The following SYT1 variants were observed in gnomAD, a reference collection of about 807,000 sequenced individuals.
The protein encoded by SYT1 is synaptotagmin-1.
Under a neutral mutation model 44.8 loss-of-function variants are expected in SYT1, and 8 were observed. That is an observed-to-expected ratio of 0.18 (90% CI 0.10 to 0.32). The LOEUF (loss-of-function observed/expected upper bound fraction) is 0.32. SYT1 is among the 10% of genes least tolerant of loss of function. The pLI is 1.00. For synonymous variants in SYT1, 154 were observed against 188.8 expected (o/e 0.82, Z 1.51); for missense variants, 286 against 509.3 (o/e 0.56, Z 4.22).
At chr12:79,039,522 C>T (rs996871117) in intron 2 of SYT1, among the ~76,000 whole-genome samples, 1 of 151,946 alleles carries the variant, frequency 6.6e-6, no homozygotes, top group Non-Finnish European at 1.5e-5. Flanking sequence ...CAGAAAAATG[C>T]TGTGCCCATC....
intron 1 of SYT1, among the ~76,000 whole-genome samples, chr12:78,876,203 G>A (rs1042207221): frequency 5.9e-5 from 9 of 151,492 alleles, no homozygotes; most frequent in Non-Finnish European, 1.2e-4. Flanking sequence ...GCATTAACCG[G>A]AAATTATTTT....
chr12:78,962,328 CTTTCT>C (rs1243153422), intron 1 of SYT1, among the ~76,000 whole-genome samples: 1 of 136,054 alleles, frequency 7.4e-6, no homozygotes. Context: ...CAATAGCATT[CTTTCT>C]TTTTTTTTTT....
intron 4 of SYT1, among the ~76,000 whole-genome samples, chr12:79,281,661 C>T (rs923157983): frequency 3.3e-5 from 5 of 152,054 alleles, no homozygotes; most frequent in Non-Finnish European, 7.4e-5. Flanking sequence ...CCTAGAGCTA[C>T]TAAAATAAAT....
intron 8 of SYT1, among the ~76,000 whole-genome samples, chr12:79,313,248 TC>T: frequency 6.6e-6 from 1 of 152,174 alleles, no homozygotes; most frequent in Non-Finnish European, 1.5e-5. Context: ...CCCAGTCCCT[TC>T]CATACCCATT....
intron 1 of SYT1, among the ~76,000 whole-genome samples, chr12:78,910,897 A>G (rs2137125993): frequency 6.6e-6 from 1 of 152,044 alleles, no homozygotes; most frequent in East Asian, 1.9e-4. Context: ...GAGAGGGCAG[A>G]CAAGAGAATG....
chr12:79,052,775 A>G (rs527643450), intron 3 of SYT1, among the ~76,000 whole-genome samples: 39 of 152,304 alleles, frequency 2.6e-4, no homozygotes, highest in East Asian at 1.4e-3. Flanking sequence ...ATCACTGGCC[A>G]TCAGAGAAAT....
At chr12:79,245,391 C>T (rs1181276376) in intron 4 of SYT1, among the ~76,000 whole-genome samples, 1 of 143,926 alleles carries the variant, frequency 6.9e-6, no homozygotes, top group East Asian at 2.0e-4. Context: ...AGGAGAATGG[C>T]GAGAACCCGG....
intron 2 of SYT1, among the ~76,000 whole-genome samples, chr12:78,991,991 T>A (rs1279255227): frequency 1.3e-5 from 2 of 152,156 alleles, no homozygotes. Context: ...CCTAGCAAGT[T>A]AAGGTCCAGG....
intron 8 of SYT1, among the ~76,000 whole-genome samples, chr12:79,307,799 C>T (rs991994479): frequency 2.6e-5 from 4 of 152,220 alleles, no homozygotes; most frequent in Admixed American, 1.3e-4. Flanking sequence ...CTCTCTAAAG[C>T]TGAACTGGCC....
At chr12:79,064,376 T>G (rs991101296) in intron 3 of SYT1, among the ~76,000 whole-genome samples, 1 of 152,174 alleles carries the variant, frequency 6.6e-6, no homozygotes, top group Non-Finnish European at 1.5e-5. Context: ...AGAAATTTAT[T>G]TTGAGAATAT....
At chr12:79,274,314 TC>T (rs1236119193) in intron 4 of SYT1, among the ~76,000 whole-genome samples, 1 of 152,094 alleles carries the variant, frequency 6.6e-6, no homozygotes, top group African/African-American at 2.4e-5. Context: ...AGTTTTGTAT[TC>T]TGAGCATGAA....
At chr12:79,298,972 A>C (rs1190315759) in intron 7 of SYT1, among the ~76,000 whole-genome samples, 2 of 152,144 alleles carry the variant, frequency 1.3e-5, no homozygotes, top group East Asian at 3.9e-4. Flanking sequence ...ATTTGAAATA[A>C]GTTATTTGCC....
chr12:79,322,503 C>A (rs1206558210), intron 8 of SYT1, among the ~76,000 whole-genome samples: 1 of 152,146 alleles, frequency 6.6e-6, no homozygotes, highest in African/African-American at 2.4e-5. Context: ...GATTTACATT[C>A]TCTTTGTTCT....
rs149356450 is a variant in SYT1, at chr12:79,036,005, T to C, written c.-83-11292T>C. 4.0e-3 allele frequency among the ~76,000 whole-genome samples: 605 copies of C among 151,374 alleles called. 4 individuals carry two copies. The highest frequency in any genetic ancestry group is 0.014 in the African/African-American group (571 of 41,324). On this transcript the variant is annotated intron_variant, in intron 2 of 10. Transcript: ENST00000261205. ...CAGAAGTCCCAGGAACCATCCAGCC[T>C]TCATGGCTGAGAAGTCATCTTTGGC... is the stretch of plus-strand genomic sequence containing the variant.
chr12:79,350,194 C>T (rs1359035508), intron 8 of SYT1, among the ~76,000 whole-genome samples: 1 of 151,656 alleles, frequency 6.6e-6, no homozygotes, highest in Non-Finnish European at 1.5e-5. Flanking sequence ...GATCGTCCTG[C>T]CGTGAGGGTC....
Position 79,100,149 on chromosome 12 carries a change from T to A in SYT1, c.-18+52787T>A, listed in dbSNP as rs551109974. Among the ~76,000 whole-genome samples the A allele has an allele frequency of 2.0e-5, 3 of 152,256 alleles. No individual in the cohort carries two copies. The South Asian group carries it at 6.2e-4, about 32-fold the overall frequency. Reference sequence around the variant, plus strand: ...TTGGAGTGCTTCTTTGGAGGTATTGTTTTAAGGAGGAGTTCGTTAATATTA... The same window carrying A: ...TTGGAGTGCTTCTTTGGAGGTATTGATTTAAGGAGGAGTTCGTTAATATTA... On this transcript the variant is annotated intron_variant, in intron 3 of 10. Coordinates refer to ENST00000261205, the MANE Select transcript of SYT1 (RefSeq NM_005639.3).
chr12:79,437,731 A>G (rs979920910), intron 9 of SYT1, among the ~76,000 whole-genome samples: 19 of 152,302 alleles, frequency 1.2e-4, no homozygotes, highest in Admixed American at 7.2e-4. Flanking sequence ...GTTGGTGAAG[A>G]CATTGCATTC....
chr12:78,928,091 T>G (rs554413280), intron 1 of SYT1, among the ~76,000 whole-genome samples: 1 of 152,276 alleles, frequency 6.6e-6, no homozygotes, highest in South Asian at 2.1e-4. Flanking sequence ...TAGAAAGACA[T>G]AATTTGTAAC....
chr12:79,144,679 A>G (rs893595111), intron 3 of SYT1, among the ~76,000 whole-genome samples: 7 of 152,138 alleles, frequency 4.6e-5, no homozygotes, highest in African/African-American at 1.7e-4. Context: ...ACCTCTTCAC[A>G]CCCTGGCTCA....
Sources: gnomAD v4.1 joint callset for allele counts (sites outside exome capture counted in the v4.1 genomes callset) on GRCh38, gnomAD v4.1.1 for gene constraint, MANE v1.5 for transcripts, NCBI Gene and HGNC (gene_info 2026-07-23, HGNC 2026-07-21) for gene names.